Variants in ABCC8 observed in about 807,000 individuals in gnomAD.
The protein encoded by ABCC8 is ATP binding cassette subfamily C member 8, also known as ATP-binding cassette sub-family C member 8.
Under a neutral mutation model 188.0 loss-of-function variants are expected in ABCC8, and 137 were observed. The ratio of observed to expected loss-of-function variants is 0.73; its 90% CI spans 0.63 to 0.84. ABCC8 has a LOEUF of 0.84. Among genes scored for constraint, ABCC8 ranks in the 40% least tolerant of loss-of-function variants. The probability of loss-of-function intolerance (pLI) is 0.00; values close to 1 mark genes in which losing one functional copy is unlikely to be tolerated. For missense variants in ABCC8, 1,750 were observed against 2,072.7 expected (o/e 0.84, Z 3.02); for synonymous variants, 797 against 846.5 (o/e 0.94, Z 1.01).
At chr11:17,412,094 G>A (rs936677641) in intron 21 of ABCC8, among the ~76,000 whole-genome samples, 4 of 151,844 alleles carry the variant, frequency 2.6e-5, no homozygotes, top group East Asian at 1.9e-4. Context: ...GGGTTTCACC[G>A]TGTTGGCCAG....
chr11:17,468,701 C>A (rs919119094), intron 3 of ABCC8, among the ~76,000 whole-genome samples: 2 of 152,136 alleles, frequency 1.3e-5, no homozygotes, highest in Admixed American at 6.5e-5. Flanking sequence ...ACAGTAAGTA[C>A]AAAGTGAGTA....
Position 17,448,667 on chromosome 11 carries a change from T to G in ABCC8, c.1181A>C (p.Lys394Thr), listed in dbSNP as rs1250856635. The G allele has an allele frequency of 6.2e-7, 1 of 1,614,218 alleles. No individual in the cohort carries two copies. The highest frequency in any genetic ancestry group is 1.1e-5 in the South Asian group (1 of 91,086). ...CAGGTGCATAATTTTATTGTAAATCTTGGTCTAGAAATGAGAGCAGAGTGT... is the reference window on the plus strand; with the variant it reads ...CAGGTGCATAATTTTATTGTAAATCGTGGTCTAGAAATGAGAGCAGAGTGT... The part of the protein sequence containing the change: ...GINLRGAIQT[K>T]IYNKIMHLST... Residue 394 changes from lysine (K) to threonine (T), a missense_variant, in exon 8 of 39, where the codon AAG becomes ACG. Physicochemically the swap from Lys to Thr is moderately conservative, Grantham distance 78. Transcript: ENST00000389817.
intron 10 of ABCC8, among the ~76,000 whole-genome samples, chr11:17,434,378 G>T (rs1955985467): frequency 6.6e-6 from 1 of 152,234 alleles, no homozygotes; most frequent in African/African-American, 2.4e-5. Flanking sequence ...CCACACAGAA[G>T]TTCAGACCTT....
At position 17,476,248 on chromosome 11, in the gene ABCC8, G is replaced by A. The variant is rs751944274; in HGVS notation, c.148+381C>T. 2.3e-4 allele frequency among the ~76,000 whole-genome samples: 35 copies of A among 152,342 alleles called. No homozygotes were observed. In the Middle Eastern group the frequency reaches 0.014, roughly 59 times the overall value. On this transcript the variant is annotated intron_variant, in intron 1 of 38. Transcript: ENST00000389817. ...GCGGCTGACAGGGAGGCTGCCTTGCGGGAGGGGTGACCCGGCTCCCTAAGC... is the reference window on the plus strand; with the variant it reads ...GCGGCTGACAGGGAGGCTGCCTTGCAGGAGGGGTGACCCGGCTCCCTAAGC...
intron 3 of ABCC8, among the ~76,000 whole-genome samples, chr11:17,468,804 C>A (rs1848308127): frequency 6.6e-6 from 1 of 152,114 alleles, no homozygotes; most frequent in South Asian, 2.1e-4. Flanking sequence ...GGGGAATTAG[C>A]CTGTGGGACA....
chr11:17,392,580 T>C, downstream of ABCC8: 1 of 349,908 alleles, frequency 2.9e-6, no homozygotes, highest in South Asian at 2.3e-5. Context: ...GTAAAGGTCA[T>C]GTGAGCACAC....
intron 33 of ABCC8, chr11:17,396,314 C>G (rs899599520): frequency 2.6e-6 from 1 of 379,090 alleles, no homozygotes; most frequent in Non-Finnish European, 5.0e-6. Flanking sequence ...CCCCGCCCTA[C>G]AATGGAGCCA....
At chr11:17,411,696 G>A (rs570327838) in intron 21 of ABCC8, among the ~76,000 whole-genome samples, 1 of 152,234 alleles carries the variant, frequency 6.6e-6, no homozygotes, top group East Asian at 1.9e-4. Context: ...CCCTGGACAA[G>A]GCCCCCTCAT....
intron 10 of ABCC8, among the ~76,000 whole-genome samples, chr11:17,437,508 C>T (rs1956152790): frequency 6.6e-6 from 1 of 152,198 alleles, no homozygotes; most frequent in Non-Finnish European, 1.5e-5. Context: ...ACAGTTTGGG[C>T]CTAATTGCAA....
intron 8 of ABCC8, among the ~76,000 whole-genome samples, chr11:17,447,122 A>G (rs1287170795): frequency 6.6e-6 from 1 of 152,224 alleles, no homozygotes; most frequent in African/African-American, 2.4e-5. Context: ...TATTTGAATC[A>G]GCCTGTCTCA....
At position 17,435,940 on chromosome 11, in the gene ABCC8, C is replaced by T. The variant is rs75844095; in HGVS notation, c.1631-3696G>A. ...GGCCAACATGCCAAAAAGAGAGACC[C>T]CTGCACTCAAAGCAATACCAGTGCC... On this transcript the variant is annotated intron_variant, in intron 10 of 38. Coordinates refer to ENST00000389817, the MANE Select transcript of ABCC8 (RefSeq NM_000352.6). 4 of 1,558,064 alleles carry T rather than the reference C, an allele frequency of 2.6e-6. No individual in the cohort carries two copies. The African/African-American group carries it at 4.1e-5, about 16-fold the overall frequency.
At chr11:17,416,377 TCTC>T (rs1955074768) in intron 17 of ABCC8, among the ~76,000 whole-genome samples, 1 of 152,092 alleles carries the variant, frequency 6.6e-6, no homozygotes, top group African/African-American at 2.4e-5. Context: ...GGGACACCCA[TCTC>T]CTTTCCTTAC....
chr11:17,445,280 C>G (rs1403962909), intron 8 of ABCC8, among the ~76,000 whole-genome samples: 1 of 152,190 alleles, frequency 6.6e-6, no homozygotes, highest in Non-Finnish European at 1.5e-5. Context: ...GTTTCACTAG[C>G]CTTTCAAAAG....
Position 17,414,642 on chromosome 11 carries a change from G to A in ABCC8, c.2292-32C>T, listed in dbSNP as rs371284104. ...AAAGCAGGGCGGGAGTAGGGGGTGC[G>A]GAAGGCATTCTCAGGGGCTTGTTCT... On this transcript the variant is annotated intron_variant, in intron 18 of 38. Transcript: ENST00000389817. 140 of 1,613,386 alleles carry A rather than the reference G, an allele frequency of 8.7e-5. No individual in the cohort carries two copies. The African/African-American group carries it at 1.5e-3, about 18-fold the overall frequency.
At chr11:17,421,953 T>C (rs1955364457) in intron 16 of ABCC8, among the ~76,000 whole-genome samples, 1 of 152,234 alleles carries the variant, frequency 6.6e-6, no homozygotes, top group African/African-American at 2.4e-5. Flanking sequence ...TTGGCCTGGG[T>C]ATGGCTGAAA....
intron 5 of ABCC8, 66 bp from the exon 6 acceptor site, chr11:17,460,742 C>T: frequency 6.3e-7 from 1 of 1,593,408 alleles, no homozygotes; most frequent in Non-Finnish European, 8.5e-7. Context: ...GCCTAGCCTC[C>T]CAGGATGCCC....
chr11:17,450,396 TTCTTTCC>T (rs1455556197), intron 7 of ABCC8, among the ~76,000 whole-genome samples: 19,261 of 134,256 alleles, frequency 0.14, 4,187 homozygotes, highest in Middle Eastern at 0.28. Context: ...CTTTCCTTCT[TTCTTTCC>T]TTTTTTTTTT....
intron 16 of ABCC8, among the ~76,000 whole-genome samples, chr11:17,420,098 C>T (rs899934144): frequency 7.2e-5 from 11 of 152,102 alleles, no homozygotes; most frequent in East Asian, 1.9e-4. Flanking sequence ...TTTAAGACCC[C>T]GGCAATAAAT....
chr11:17,419,858 G>A (rs1194466901), intron 16 of ABCC8, among the ~76,000 whole-genome samples: 2 of 152,198 alleles, frequency 1.3e-5, no homozygotes, highest in Non-Finnish European at 2.9e-5. Flanking sequence ...TCCACTCATT[G>A]GCTGTGAAAT....
Sources: gnomAD v4.1 joint callset for allele counts (sites outside exome capture counted in the v4.1 genomes callset) on GRCh38, gnomAD v4.1.1 for gene constraint, MANE v1.5 for transcripts, NCBI Gene and HGNC (gene_info 2026-07-23, HGNC 2026-07-21) for gene names.